MAP2: variants seen among roughly 807,000 people sequenced by gnomAD.
The protein encoded by MAP2 is microtubule associated protein 2.
MAP2 carries 14 observed loss-of-function variants against 137.6 expected under a neutral mutation model. That is an observed-to-expected ratio of 0.10 (90% CI 0.07 to 0.16). The LOEUF is 0.16. Among genes scored for constraint, MAP2 ranks in the 10% least tolerant of loss-of-function variants. MAP2 has a pLI of 1.00. For missense variants in MAP2, 2,088 were observed against 2,191.5 expected (o/e 0.95, Z 0.94); for synonymous variants, 786 against 782.3 (o/e 1.00, Z -0.08).
rs181736429 is a variant in MAP2 at position 209,444,252 on chromosome 2, A to G, written c.-222+19976A>G. 2.4e-4 allele frequency among the ~76,000 whole-genome samples: 36 copies of G among 151,732 alleles called. No individual in the cohort carries two copies. The East Asian group carries it at 6.8e-3, about 29-fold the overall frequency. ...CCCCATCTTTAATTCTTTCTCGGGG[A>G]CTAAAATTTGAAATGTATGTGTCTC... is the stretch of plus-strand genomic sequence containing the variant. On this transcript the variant is annotated intron_variant, in intron 1 of 15. Transcript: ENST00000682079.
intron 3 of MAP2, among the ~76,000 whole-genome samples, chr2:209,620,683 T>G (rs2090865947): frequency 6.6e-6 from 1 of 152,196 alleles, no homozygotes; most frequent in Non-Finnish European, 1.5e-5. Context: ...TTTAAAAGAC[T>G]GCTTGAATAA....
At chr2:209,576,744 G>A (rs1475596261) in intron 2 of MAP2, among the ~76,000 whole-genome samples, 1 of 152,124 alleles carries the variant, frequency 6.6e-6, no homozygotes. Flanking sequence ...ATCAGTTTAG[G>A]CTTTTGGGCA....
chr2:209,587,844 T>G (rs1455862547), intron 3 of MAP2, among the ~76,000 whole-genome samples: 4 of 152,186 alleles, frequency 2.6e-5, no homozygotes, highest in Non-Finnish European at 5.9e-5. Flanking sequence ...GTTATCATTT[T>G]GTAATTTGTT....
chr2:209,591,057 TTTTTGTTTTG>T (rs1051635848), intron 3 of MAP2, among the ~76,000 whole-genome samples: 3 of 152,208 alleles, frequency 2.0e-5, no homozygotes, highest in Non-Finnish European at 4.4e-5. Context: ...TTTGTTTTTG[TTTTTGTTTTG>T]TTTTGTTTTG....
intron 2 of MAP2, among the ~76,000 whole-genome samples, chr2:209,539,863 C>A (rs1337984692): frequency 6.9e-6 from 1 of 144,148 alleles, no homozygotes; most frequent in East Asian, 2.0e-4. Context: ...TTTGGGAGAC[C>A]AAGGCAGGAG....
At chr2:209,634,360 G>T (rs1478060949) in intron 4 of MAP2, among the ~76,000 whole-genome samples, 4 of 152,018 alleles carry the variant, frequency 2.6e-5, no homozygotes, top group Non-Finnish European at 5.9e-5. Flanking sequence ...TTTGTTTCTT[G>T]CTCACCTAAC....
chr2:209,545,213 G>T (rs1379470330), intron 2 of MAP2, among the ~76,000 whole-genome samples: 2 of 152,096 alleles, frequency 1.3e-5, no homozygotes, highest in African/African-American at 4.8e-5. Flanking sequence ...TTCCTGTAAT[G>T]TGCTGAATCT....
intron 13 of MAP2, chr2:209,723,688 G>T: frequency 6.2e-7 from 1 of 1,611,524 alleles, no homozygotes; most frequent in Non-Finnish European, 8.5e-7. Context: ...GGGCGGAAAT[G>T]TAAGTAGAAG....
chr2:209,619,868 C>T (rs1178407355), intron 3 of MAP2, among the ~76,000 whole-genome samples: 1 of 152,086 alleles, frequency 6.6e-6, no homozygotes, highest in Admixed American at 6.6e-5. Flanking sequence ...CATGTTTCTC[C>T]ACCCCTTGCA....
chr2:209,713,563 A>T (rs751722174), intron 13 of MAP2, among the ~76,000 whole-genome samples: 1 of 152,216 alleles, frequency 6.6e-6, no homozygotes, highest in Non-Finnish European at 1.5e-5. Context: ...ATTTAACTCA[A>T]GGCATAGGGA....
chr2:209,660,910 A>ATT (rs1297790238), intron 5 of MAP2, among the ~76,000 whole-genome samples: 2,768 of 110,086 alleles, frequency 0.025, 81 homozygotes, highest in African/African-American at 0.083. Flanking sequence ...AATTTTTTGT[A>ATT]TTTTTTTTTT....
chr2:209,456,242 A>G (rs1701511746), intron 1 of MAP2, among the ~76,000 whole-genome samples: 1 of 152,220 alleles, frequency 6.6e-6, no homozygotes, highest in Admixed American at 6.5e-5. Context: ...CTTAGGAATT[A>G]TAATCTCAAA....
chr2:209,441,372 A>G (rs1259201166), intron 1 of MAP2, among the ~76,000 whole-genome samples: 1 of 151,624 alleles, frequency 6.6e-6, no homozygotes, highest in Non-Finnish European at 1.5e-5. Flanking sequence ...TTACTCATAA[A>G]TCCTTTAAAT....
chr2:209,520,401 T>C (rs1332716373), intron 2 of MAP2, among the ~76,000 whole-genome samples: 1 of 151,998 alleles, frequency 6.6e-6, no homozygotes, highest in Non-Finnish European at 1.5e-5. Context: ...AAAATGCATA[T>C]TTTTTTGTGT....
intron 1 of MAP2, among the ~76,000 whole-genome samples, chr2:209,462,249 G>A (rs182871444): frequency 1.3e-5 from 2 of 152,262 alleles, no homozygotes; most frequent in East Asian, 3.9e-4. Flanking sequence ...GATGGCAGAT[G>A]GTTGGACTTT....
intron 13 of MAP2, among the ~76,000 whole-genome samples, chr2:209,715,279 A>G (rs766261261): frequency 1.3e-5 from 2 of 152,158 alleles, no homozygotes; most frequent in Admixed American, 6.5e-5. Context: ...TTATAGCATC[A>G]ATCTTGGCAT....
intron 2 of MAP2, among the ~76,000 whole-genome samples, chr2:209,578,839 G>A (rs1463511832): frequency 6.6e-6 from 1 of 151,932 alleles, no homozygotes; most frequent in African/African-American, 2.4e-5. Flanking sequence ...AAAAGCCCCA[G>A]GACCAAGCTG....
chr2:209,661,539 C>A, intron 5 of MAP2: 1 of 985,438 alleles, frequency 1.0e-6, no homozygotes, highest in Non-Finnish European at 1.2e-6. Flanking sequence ...AGCCTCACTG[C>A]GAAGCATCTG....
intron 1 of MAP2, among the ~76,000 whole-genome samples, chr2:209,503,385 G>T (rs1297025894): frequency 6.6e-6 from 1 of 151,762 alleles, no homozygotes; most frequent in East Asian, 1.9e-4. Flanking sequence ...TTATTTTGAT[G>T]ATTGTTTCCT....
Sources: gnomAD v4.1 joint callset for allele counts (sites outside exome capture counted in the v4.1 genomes callset) on GRCh38, gnomAD v4.1.1 for gene constraint, MANE v1.5 for transcripts, NCBI Gene and HGNC (gene_info 2026-07-23, HGNC 2026-07-21) for gene names.